Variants in RORA observed in about 807,000 individuals in gnomAD.
RORA encodes RAR related orphan receptor A, also known as nuclear receptor ROR-alpha.
RORA carries 7 observed loss-of-function variants against 69.5 expected under a neutral mutation model. That is an observed-to-expected ratio of 0.10 (90% CI 0.06 to 0.19). The LOEUF is 0.19. RORA is among the 10% of genes least tolerant of loss of function. RORA has a pLI of 1.00. For synonymous variants in RORA, 261 were observed against 240.8 expected (o/e 1.08, Z -0.78); for missense variants, 457 against 663.0 (o/e 0.69, Z 3.41).
chr15:60,795,028 A>G (rs2072473415), intron 1 of RORA, among the ~76,000 whole-genome samples: 1 of 151,910 alleles, frequency 6.6e-6, no homozygotes, highest in Non-Finnish European at 1.5e-5. Flanking sequence ...TCAATTACAT[A>G]AAAACCTCAA....
intron 1 of RORA, among the ~76,000 whole-genome samples, chr15:60,870,152 T>C (rs564111890): frequency 1.2e-4 from 18 of 152,364 alleles, no homozygotes; most frequent in Non-Finnish European, 2.2e-4. Flanking sequence ...ATTCCGTTAC[T>C]AGCCACAGCT....
chr15:61,020,426 C>T lies in RORA; in HGVS notation c.166+208627G>A, dbSNP rs564263095. Among the ~76,000 whole-genome samples, 4 of 152,346 alleles carry T rather than the reference C, an allele frequency of 2.6e-5. No individual in the cohort carries two copies. The East Asian group carries it at 7.7e-4, about 29-fold the overall frequency. On this transcript the variant is annotated intron_variant, in intron 1 of 10. Transcript: ENST00000335670. Reference sequence around the variant, plus strand: ...CCAGGATTCTAGTTCGGAATTGCTGCTTCTTCGCAAACAGACTTTGGGCAG... The same window carrying T: ...CCAGGATTCTAGTTCGGAATTGCTGTTTCTTCGCAAACAGACTTTGGGCAG...
chr15:60,727,198 T>C (rs2071371008), intron 1 of RORA, among the ~76,000 whole-genome samples: 1 of 152,204 alleles, frequency 6.6e-6, no homozygotes, highest in Admixed American at 6.5e-5. Flanking sequence ...TTGTTTTGTT[T>C]TGTTTTTTGG....
chr15:61,117,675 C>T (rs1823722315), intron 1 of RORA, among the ~76,000 whole-genome samples: 1 of 152,202 alleles, frequency 6.6e-6, no homozygotes, highest in South Asian at 2.1e-4. Context: ...TCATTTGAAT[C>T]TTTCAAAGTT....
chr15:60,986,839 A>T (rs573963037), intron 1 of RORA, among the ~76,000 whole-genome samples: 1 of 152,300 alleles, frequency 6.6e-6, no homozygotes, highest in South Asian at 2.1e-4. Flanking sequence ...CGTTTTCCTG[A>T]AGTATCTGCT....
chr15:61,073,005 G>T (rs1205449196), intron 1 of RORA, among the ~76,000 whole-genome samples: 1 of 152,204 alleles, frequency 6.6e-6, no homozygotes, highest in Non-Finnish European at 1.5e-5. Context: ...AGGTAGTTTT[G>T]CACCAAAAGA....
chr15:60,952,284 C>G (rs1045028099), intron 1 of RORA, among the ~76,000 whole-genome samples: 2 of 152,000 alleles, frequency 1.3e-5, no homozygotes, highest in Non-Finnish European at 2.9e-5. Context: ...ATTGATGGGA[C>G]GTATTTCAAA....
At chr15:60,508,511 A>G (rs1264609289) in intron 5 of RORA, among the ~76,000 whole-genome samples, 1 of 152,210 alleles carries the variant, frequency 6.6e-6, no homozygotes, top group African/African-American at 2.4e-5. Flanking sequence ...CTGAATATGT[A>G]TGTTTTCTCA....
chr15:60,506,215 T>G (rs2065495726), intron 5 of RORA, among the ~76,000 whole-genome samples: 1 of 151,986 alleles, frequency 6.6e-6, no homozygotes, highest in Non-Finnish European at 1.5e-5. Flanking sequence ...ACTAGCTGTG[T>G]GATCTCGGGT....
chr15:60,920,318 T>C (rs1029997936), intron 1 of RORA, among the ~76,000 whole-genome samples: 3 of 152,246 alleles, frequency 2.0e-5, no homozygotes, highest in Non-Finnish European at 2.9e-5. Context: ...AATCTCATCA[T>C]CTTTGTCTTA....
At chr15:61,067,078 T>C (rs1323039285) in intron 1 of RORA, among the ~76,000 whole-genome samples, 1 of 151,682 alleles carries the variant, frequency 6.6e-6, no homozygotes, top group Non-Finnish European at 1.5e-5. Flanking sequence ...ATTGACATAT[T>C]ATCTATGTAT....
intron 1 of RORA, among the ~76,000 whole-genome samples, chr15:60,738,139 A>T (rs1253093573): frequency 6.6e-6 from 1 of 152,238 alleles, no homozygotes; most frequent in African/African-American, 2.4e-5. Context: ...TCCACAAGGG[A>T]TAAGCCGAGA....
intron 1 of RORA, among the ~76,000 whole-genome samples, chr15:60,834,720 G>A (rs1034187078): frequency 1.3e-5 from 2 of 152,182 alleles, no homozygotes; most frequent in African/African-American, 4.8e-5. Context: ...TCCATCCCCC[G>A]ATGAGGGGCT....
chr15:60,759,840 T>C (rs2071860213), intron 1 of RORA, among the ~76,000 whole-genome samples: 1 of 152,182 alleles, frequency 6.6e-6, no homozygotes, highest in Non-Finnish European at 1.5e-5. Flanking sequence ...CCATCTTTGA[T>C]ACAAAGATAG....
chr15:60,846,922 C>A (rs928330123), intron 1 of RORA, among the ~76,000 whole-genome samples: 9 of 152,042 alleles, frequency 5.9e-5, no homozygotes, highest in Admixed American at 5.9e-4. Context: ...GTTTCATAAC[C>A]CCTTTTAATA....
intron 1 of RORA, among the ~76,000 whole-genome samples, chr15:61,159,553 T>A (rs142590368): frequency 1.1e-3 from 160 of 152,278 alleles, no homozygotes; most frequent in African/African-American, 3.7e-3. Context: ...TTTTTATAAC[T>A]ACAAAAAAGC....
intron 1 of RORA, among the ~76,000 whole-genome samples, chr15:60,704,973 C>G (rs1194828148): frequency 6.6e-6 from 1 of 152,310 alleles, no homozygotes; most frequent in Middle Eastern, 3.4e-3. Flanking sequence ...TGAGCTTCCA[C>G]GTGTGACTGC....
chr15:60,746,081 T>C (rs115474899), intron 1 of RORA, among the ~76,000 whole-genome samples: 232 of 152,238 alleles, frequency 1.5e-3, no homozygotes, highest in African/African-American at 5.5e-3. Context: ...TTCCAAAATA[T>C]CATAGTATTT....
At chr15:60,996,784 C>T (rs1319765640) in intron 1 of RORA, among the ~76,000 whole-genome samples, 1 of 151,984 alleles carries the variant, frequency 6.6e-6, no homozygotes, top group Non-Finnish European at 1.5e-5. Context: ...GTGGCAGGCG[C>T]CTGTAGTCGC....
Sources: gnomAD v4.1 joint callset for allele counts (sites outside exome capture counted in the v4.1 genomes callset) on GRCh38, gnomAD v4.1.1 for gene constraint, MANE v1.5 for transcripts, NCBI Gene and HGNC (gene_info 2026-07-23, HGNC 2026-07-21) for gene names.